The following TMCC3 variants were observed in gnomAD, a reference collection of about 807,000 sequenced individuals.
The protein encoded by TMCC3 is transmembrane and coiled-coil domain protein 3.
TMCC3 carries 28 observed loss-of-function variants against 40.2 expected under a neutral mutation model. The ratio of observed to expected loss-of-function variants is 0.70; its 90% CI spans 0.52 to 0.95. The LOEUF is 0.95. Ranked by LOEUF, TMCC3 falls within the 40% of genes least tolerant of loss-of-function variation. The pLI is 0.00. For synonymous variants in TMCC3, 255 were observed against 248.5 expected (o/e 1.03, Z -0.25); for missense variants, 554 against 615.2 (o/e 0.90, Z 1.05).
chr12:94,599,556 A>ACCCCCCCCCCCCC (rs10545928), intron 1 of TMCC3, among the ~76,000 whole-genome samples: 4 of 69,504 alleles, frequency 5.8e-5, no homozygotes, highest in Non-Finnish European at 1.3e-4. Context: ...TTTAAAAGAT[A>ACCCCCCCCCCCCC]CCCCCCCCCC....
chr12:94,572,584 T>C (rs1046477809), intron 3 of TMCC3, among the ~76,000 whole-genome samples: 10 of 152,160 alleles, frequency 6.6e-5, no homozygotes, highest in Non-Finnish European at 2.9e-5. Context: ...GTGGTGGAAT[T>C]ACAGGCGTGA....
intron 1 of TMCC3, among the ~76,000 whole-genome samples, chr12:94,633,590 C>T (rs1210187645): frequency 6.6e-6 from 1 of 152,178 alleles, no homozygotes; most frequent in Non-Finnish European, 1.5e-5. Flanking sequence ...TCTGATGGGC[C>T]ATTTCATTAC....
In TMCC3 at chr12:94,577,417, T is replaced by C. The variant is rs368229099; in HGVS notation, c.1131+977A>G. ...GTTAGCCAGGATGGTCTCAATCTCCTGACCTCGTGACCCAACCGCCTTGGC... is the reference window on the plus strand; with the variant it reads ...GTTAGCCAGGATGGTCTCAATCTCCCGACCTCGTGACCCAACCGCCTTGGC... On this transcript the variant is annotated intron_variant, in intron 3 of 3. Coordinates refer to ENST00000261226, the MANE Select transcript of TMCC3 (RefSeq NM_020698.4). Among the ~76,000 whole-genome samples, 33 of 152,312 alleles carry C rather than the reference T, an allele frequency of 2.2e-4. 1 individual carries two copies. The East Asian group carries it at 2.9e-3, about 13-fold the overall frequency.
chr12:94,616,657 T>C (rs1226764791), intron 1 of TMCC3, among the ~76,000 whole-genome samples: 1 of 151,090 alleles, frequency 6.6e-6, no homozygotes, highest in African/African-American at 2.4e-5. Flanking sequence ...AGCGAGCACT[T>C]GGAAGGAGCT....
At chr12:94,621,926 C>T (rs146282367) in intron 1 of TMCC3, among the ~76,000 whole-genome samples, 8 of 152,276 alleles carry the variant, frequency 5.3e-5, no homozygotes, top group South Asian at 2.1e-4. Flanking sequence ...AAGTGTCCAA[C>T]GTCAACCTGC....
In TMCC3 at chr12:94,582,996, A is replaced by ATTTTTTTTTT. The variant is rs1566316435; in HGVS notation, c.79-459_79-458insAAAAAAAAAA. 2.3e-4 allele frequency among the ~76,000 whole-genome samples: 5 copies of ATTTTTTTTTT among 22,092 alleles called. No homozygotes were observed. The African/African-American group carries it at 4.1e-3, about 18-fold the overall frequency. 14.5% of individuals were successfully genotyped at this position (22,092 alleles called of 152,430 possible). On this transcript the variant is annotated intron_variant, in intron 1 of 3. Coordinates refer to ENST00000261226, the MANE Select transcript of TMCC3 (RefSeq NM_020698.4). ...TTTTTTTTTTTTTTTTTTTTTTTTA[A>ATTTTTTTTTT]AAAAGAAAGATGGGGAAAAATAGGG...
rs376681972 is a variant in TMCC3 at position 94,595,109 on chromosome 12, G to C, written c.79-12571C>G. ...GCTAGGAAATTCAGAATCAAACGTA[G>C]AGTAACTGTTAGATCTGGTGATCAG... is the stretch of plus-strand genomic sequence containing the variant. On this transcript the variant is annotated intron_variant, in intron 1 of 3. Coordinates refer to ENST00000261226, the MANE Select transcript of TMCC3 (RefSeq NM_020698.4). 2.6e-5 allele frequency among the ~76,000 whole-genome samples: 4 copies of C among 152,282 alleles called. No homozygotes were observed. In the East Asian group the frequency reaches 5.8e-4, roughly 22 times the overall value.
At chr12:94,572,930 C>T (rs1420608347) in intron 3 of TMCC3, among the ~76,000 whole-genome samples, 1 of 152,158 alleles carries the variant, frequency 6.6e-6, no homozygotes, top group Admixed American at 6.5e-5. Flanking sequence ...GGATCTCGTC[C>T]ATGCCAAGTC....
intron 1 of TMCC3, among the ~76,000 whole-genome samples, chr12:94,597,166 A>ATATATATATATATATATAT (rs1491007129): frequency 9.9e-5 from 9 of 91,034 alleles, no homozygotes; most frequent in South Asian, 3.3e-4. Context: ...TATGTATATA[A>ATATATATATATATATATAT]ATTAGCCAGG....
intron 3 of TMCC3, among the ~76,000 whole-genome samples, chr12:94,575,746 A>T (rs1420119916): frequency 3.9e-5 from 6 of 152,208 alleles, no homozygotes; most frequent in Non-Finnish European, 7.3e-5. Context: ...CACCCGAAAC[A>T]TGCTCTAAAA....
intron 1 of TMCC3, chr12:94,590,839 C>A: frequency 1.9e-6 from 1 of 525,586 alleles, no homozygotes; most frequent in South Asian, 1.6e-5. Flanking sequence ...CGATGTGCAC[C>A]CGCAACAAAC....
chr12:94,646,369 C>T (rs2069018017), intron 1 of TMCC3, among the ~76,000 whole-genome samples: 1 of 151,404 alleles, frequency 6.6e-6, no homozygotes, highest in Non-Finnish European at 1.5e-5. Context: ...GCTTTTTCAC[C>T]CAGTGAGAGA....
intron 1 of TMCC3, among the ~76,000 whole-genome samples, chr12:94,592,922 C>T (rs928445835): frequency 2.6e-5 from 4 of 151,968 alleles, no homozygotes; most frequent in Non-Finnish European, 5.9e-5. Flanking sequence ...TTCGGCCAGG[C>T]GCGGTGGCTC....
At chr12:94,591,404 AT>A (rs71071790) in intron 1 of TMCC3, among the ~76,000 whole-genome samples, 148,836 of 149,112 alleles carry the variant, frequency 1, 74,280 homozygotes, top group Middle Eastern at 1. Flanking sequence ...ACAATTTCTG[AT>A]TTTTTTTTTT....
intron 1 of TMCC3, among the ~76,000 whole-genome samples, chr12:94,624,784 A>C (rs12822749): frequency 6.6e-6 from 1 of 152,050 alleles, no homozygotes; most frequent in Non-Finnish European, 1.5e-5. Flanking sequence ...ACATGCGTGA[A>C]CCTTTTAAGA....
intron 3 of TMCC3, among the ~76,000 whole-genome samples, chr12:94,574,186 C>A (rs867275511): frequency 2.2e-4 from 34 of 152,038 alleles, no homozygotes; most frequent in African/African-American, 8.0e-4. Flanking sequence ...AGTTCAAGAC[C>A]AGCCTGGCCA....
At chr12:94,632,873 G>A (rs542415127) in intron 1 of TMCC3, among the ~76,000 whole-genome samples, 1 of 152,124 alleles carries the variant, frequency 6.6e-6, no homozygotes, top group Non-Finnish European at 1.5e-5. Context: ...TTGGGAAGCC[G>A]AGGCAGGCAG....
At chr12:94,589,122 C>G (rs191882509) in intron 1 of TMCC3, among the ~76,000 whole-genome samples, 6 of 129,528 alleles carry the variant, frequency 4.6e-5, no homozygotes, top group African/African-American at 1.8e-4. Flanking sequence ...CACGCCTGGC[C>G]AGTATGAGGT....
chr12:94,610,752 G>A (rs528570850), intron 1 of TMCC3, among the ~76,000 whole-genome samples: 2 of 152,150 alleles, frequency 1.3e-5, no homozygotes, highest in Admixed American at 6.5e-5. Flanking sequence ...AAAGCAAGAC[G>A]CAGGGCTATG....
Sources: allele counts gnomAD v4.1 joint callset (sites outside exome capture counted in the v4.1 genomes callset), GRCh38; gene constraint gnomAD v4.1.1; transcripts MANE v1.5; gene names NCBI Gene and HGNC (gene_info 2026-07-23, HGNC 2026-07-21).